ARHGAP18: variants seen among roughly 807,000 people sequenced by gnomAD.
ARHGAP18 encodes the protein Rho GTPase activating protein 18.
A neutral mutation model predicts 86.2 loss-of-function variants in ARHGAP18; 67 were observed. The ratio of observed to expected loss-of-function variants is 0.78; its 90% CI spans 0.64 to 0.95. ARHGAP18 has a LOEUF of 0.95. ARHGAP18 is among the 40% of genes least tolerant of loss of function. The probability of loss-of-function intolerance (pLI) is 0.00; values close to 1 mark genes in which losing one functional copy is unlikely to be tolerated. For synonymous variants in ARHGAP18, 283 were observed against 280.4 expected (o/e 1.01, Z -0.09); for missense variants, 691 against 780.4 (o/e 0.89, Z 1.37).
At chr6:129,661,244 T>G (rs1773944277) in intron 1 of ARHGAP18, among the ~76,000 whole-genome samples, 1 of 143,732 alleles carries the variant, frequency 7.0e-6, no homozygotes, top group Non-Finnish European at 1.5e-5. Flanking sequence ...TCCTAGCTTC[T>G]GGGGAAGCTG....
At chr6:129,596,503 A>G (rs1054998294) in intron 12 of ARHGAP18, among the ~76,000 whole-genome samples, 1 of 152,180 alleles carries the variant, frequency 6.6e-6, no homozygotes, top group Non-Finnish European at 1.5e-5. Flanking sequence ...GATAAATCAC[A>G]TACTAACACA....
At chr6:129,592,928 TTGA>T (rs1419963654) in intron 12 of ARHGAP18, among the ~76,000 whole-genome samples, 1 of 152,190 alleles carries the variant, frequency 6.6e-6, no homozygotes, top group African/African-American at 2.4e-5. Flanking sequence ...TGTTCGATTG[TTGA>T]TGATAAAGGT....
At chr6:129,585,115 AC>A (rs1222714417) in intron 12 of ARHGAP18, among the ~76,000 whole-genome samples, 1 of 148,910 alleles carries the variant, frequency 6.7e-6, no homozygotes, top group African/African-American at 2.5e-5. Flanking sequence ...ACATGGCGAA[AC>A]CCTGTTTGTA....
At chr6:129,641,455 C>T (rs769904159) in intron 2 of ARHGAP18, among the ~76,000 whole-genome samples, 25 of 152,312 alleles carry the variant, frequency 1.6e-4, no homozygotes, top group Middle Eastern at 3.4e-3. Context: ...CAAAGCAGTG[C>T]TCTATCACCA....
chr6:129,681,081 T>C (rs951266967), intron 1 of ARHGAP18, among the ~76,000 whole-genome samples: 1 of 152,122 alleles, frequency 6.6e-6, no homozygotes, highest in Admixed American at 6.5e-5. Context: ...TTTTTTGCTG[T>C]TGTTGTTGTT....
chr6:129,604,477 T>C (rs1033952284), intron 10 of ARHGAP18, among the ~76,000 whole-genome samples: 9 of 152,146 alleles, frequency 5.9e-5, no homozygotes, highest in African/African-American at 2.2e-4. Flanking sequence ...ACACTGGGCA[T>C]TGATAGGGTC....
intron 5 of ARHGAP18, among the ~76,000 whole-genome samples, chr6:129,625,259 GAT>G (rs1194770094): frequency 1.8e-5 from 1 of 55,836 alleles, no homozygotes; most frequent in Non-Finnish European, 3.4e-5. Flanking sequence ...TAATATATAT[GAT>G]ATATGATATA....
At chr6:129,664,395 G>T (rs1354725925) in intron 1 of ARHGAP18, among the ~76,000 whole-genome samples, 1 of 151,922 alleles carries the variant, frequency 6.6e-6, no homozygotes, top group Non-Finnish European at 1.5e-5. Context: ...AGGAAAGTTA[G>T]ACTGGCTACT....
At chr6:129,698,073 T>G (rs955333573) in intron 1 of ARHGAP18, among the ~76,000 whole-genome samples, 1 of 152,184 alleles carries the variant, frequency 6.6e-6, no homozygotes, top group Non-Finnish European at 1.5e-5. Context: ...TTTGAAAGTT[T>G]TATTCCTCAA....
At chr6:129,582,531 T>C (rs1053695048) in intron 13 of ARHGAP18, among the ~76,000 whole-genome samples, 6 of 152,156 alleles carry the variant, frequency 3.9e-5, no homozygotes, top group African/African-American at 4.8e-5. Flanking sequence ...AAAGTTAGTA[T>C]CTACTAAGTC....
intron 10 of ARHGAP18, among the ~76,000 whole-genome samples, chr6:129,604,109 C>T (rs1788803878): frequency 6.6e-6 from 1 of 152,138 alleles, no homozygotes; most frequent in East Asian, 1.9e-4. Context: ...AGTTTGAAAC[C>T]TTCAGCAGAG....
At chr6:129,678,595 T>C (rs540208984) in intron 1 of ARHGAP18, among the ~76,000 whole-genome samples, 19 of 152,320 alleles carry the variant, frequency 1.2e-4, no homozygotes, top group African/African-American at 3.6e-4. Flanking sequence ...TACAGTGCAG[T>C]GGTTCTCAAA....
intron 5 of ARHGAP18, among the ~76,000 whole-genome samples, chr6:129,627,410 G>A (rs1789502114): frequency 6.6e-6 from 1 of 152,016 alleles, no homozygotes; most frequent in African/African-American, 2.4e-5. Flanking sequence ...GATATTATGA[G>A]CTTCCCAACA....
At chr6:129,696,984 T>C (rs1162849701) in intron 1 of ARHGAP18, among the ~76,000 whole-genome samples, 1 of 152,194 alleles carries the variant, frequency 6.6e-6, no homozygotes, top group African/African-American at 2.4e-5. Context: ...TAGGTTGGCC[T>C]ATGATTAATT....
At chr6:129,629,274 T>G (rs1277600800) in intron 5 of ARHGAP18, 79 bp downstream of exon 5, 5 of 1,140,526 alleles carry the variant, frequency 4.4e-6, no homozygotes, top group African/African-American at 1.6e-5. Flanking sequence ...TGTGTGTGCG[T>G]GTGTGTGTAT....
At chr6:129,594,825 G>A (rs1054637018) in intron 12 of ARHGAP18, among the ~76,000 whole-genome samples, 4 of 152,094 alleles carry the variant, frequency 2.6e-5, no homozygotes, top group African/African-American at 9.7e-5. Context: ...CTTGGCTCTA[G>A]CCCAGGACCA....
At chr6:129,682,637 T>C (rs926738670) in intron 1 of ARHGAP18, among the ~76,000 whole-genome samples, 5 of 152,250 alleles carry the variant, frequency 3.3e-5, no homozygotes, top group Admixed American at 3.3e-4. Flanking sequence ...AACATTCTTA[T>C]GTCCCAAAGC....
Position 129,606,037 on chromosome 6 carries a change from A to C in ARHGAP18, c.1283-78T>G. On this transcript the variant is annotated intron_variant, in intron 9 of 14. Transcript: ENST00000368149. ...TTACTTTATTTTTTCACTTTTTAAG[A>C]AAAAAGTTATTTGGCATAAACATGA... 4 of 1,403,190 alleles carry C rather than the reference A, an allele frequency of 2.9e-6. No homozygotes were observed. In the South Asian group the frequency reaches 4.7e-5, roughly 16 times the overall value. The allele number at this position is 1,403,190 out of a possible 1,614,324, so 86.9% of individuals were successfully genotyped here. A position where few individuals can be genotyped will look rare whatever the true frequency, so the allele number is the denominator to read the frequency against.
At chr6:129,684,246 T>G (rs1397198455) in intron 1 of ARHGAP18, among the ~76,000 whole-genome samples, 1 of 152,212 alleles carries the variant, frequency 6.6e-6, no homozygotes, top group Non-Finnish European at 1.5e-5. Context: ...TATCTGTGGT[T>G]TCTCCAGCAA....
Sources: allele counts gnomAD v4.1 joint callset (sites outside exome capture counted in the v4.1 genomes callset), GRCh38; gene constraint gnomAD v4.1.1; transcripts MANE v1.5; gene names NCBI Gene and HGNC (gene_info 2026-07-23, HGNC 2026-07-21).